The following PDE11A variants were observed in gnomAD, a reference collection of about 807,000 sequenced individuals.
The protein encoded by PDE11A is phosphodiesterase 11A.
Under a neutral mutation model 100.5 loss-of-function variants are expected in PDE11A, and 100 were observed. The ratio of observed to expected loss-of-function variants is 1.00; its 90% CI spans 0.85 to 1.18. PDE11A has a LOEUF of 1.18. Ranked by LOEUF, PDE11A falls within the 50% of genes most tolerant of loss-of-function variation. The pLI is 0.00. For missense variants in PDE11A, 1,141 were observed against 1,152.6 expected, an observed-to-expected ratio of 0.99 and a Z score of 0.15; for synonymous variants, 381 against 420.8, an observed-to-expected ratio of 0.91 and a Z score of 1.16.
At chr2:178,095,173 T>A (rs911079020) in intron 2 of PDE11A, among the ~76,000 whole-genome samples, 1 of 152,202 alleles carries the variant, frequency 6.6e-6, no homozygotes. Context: ...AAGTCTCACC[T>A]GAGATAAGGT....
chr2:177,926,088 A>G (rs1184803254), intron 2 of PDE11A, among the ~76,000 whole-genome samples: 1 of 152,206 alleles, frequency 6.6e-6, no homozygotes, highest in Non-Finnish European at 1.5e-5. Context: ...AGAAACCAAA[A>G]CAAATAAACA....
intron 1 of PDE11A, among the ~76,000 whole-genome samples, chr2:178,015,225 G>A (rs557389092): frequency 6.6e-6 from 1 of 152,222 alleles, no homozygotes; most frequent in East Asian, 1.9e-4. Context: ...TCACTCTTTA[G>A]AAGAAAAATT....
intron 18 of PDE11A, among the ~76,000 whole-genome samples, chr2:177,665,824 T>G (rs1206701721): frequency 6.8e-6 from 1 of 147,132 alleles, no homozygotes. Context: ...GCCACTGCAC[T>G]CCAGCCTCGG....
At chr2:177,856,935 C>G (rs2083844339) in intron 5 of PDE11A, among the ~76,000 whole-genome samples, 1 of 151,894 alleles carries the variant, frequency 6.6e-6, no homozygotes, top group African/African-American at 2.4e-5. Context: ...AAACATTAAT[C>G]TACACATTAA....
At chr2:177,832,670 A>G (rs2083331429) in intron 6 of PDE11A, among the ~76,000 whole-genome samples, 1 of 152,084 alleles carries the variant, frequency 6.6e-6, no homozygotes, top group Non-Finnish European at 1.5e-5. Context: ...GGAGTTGGGC[A>G]AGCAGACTCA....
chr2:177,854,667 A>G (rs2083797810), intron 5 of PDE11A, among the ~76,000 whole-genome samples: 1 of 152,114 alleles, frequency 6.6e-6, no homozygotes, highest in African/African-American at 2.4e-5. Context: ...TTTTTTAGCG[A>G]AAGGCGGCAG....
chr2:177,837,104 G>T (rs115735017), intron 6 of PDE11A, among the ~76,000 whole-genome samples: 1 of 152,278 alleles, frequency 6.6e-6, no homozygotes, highest in South Asian at 2.1e-4. Context: ...CTCTCCCTCC[G>T]TGTGCAAACC....
chr2:177,624,501 A>G lies in PDE11A; in HGVS notation c.*4906T>C, dbSNP rs2079805130. ...GTGTTAAGTGGAAAAAGTTATGATA[A>G]ATTTTGATACACAGAAAAAGCAACT... On this transcript the variant is annotated 3_prime_UTR_variant, in exon 20 of 20. Transcript: ENST00000286063. 1 of 152,184 alleles carries G rather than the reference A, an allele frequency of 6.6e-6. No homozygotes were observed. The highest frequency in any genetic ancestry group is 1.5e-5 in the Non-Finnish European group (1 of 68,024). 9.4% of individuals were successfully genotyped at this position (152,184 alleles called of 1,614,324 possible). A position where few individuals can be genotyped will look rare whatever the true frequency, so the allele number is the denominator to read the frequency against.
chr2:177,833,976 C>A (rs1205998270), intron 6 of PDE11A, among the ~76,000 whole-genome samples: 3 of 152,186 alleles, frequency 2.0e-5, no homozygotes, highest in Non-Finnish European at 4.4e-5. Flanking sequence ...TGTGGAGCCA[C>A]CAGAAATTCG....
At chr2:177,819,401 A>C (rs554641309) in intron 7 of PDE11A, among the ~76,000 whole-genome samples, 3 of 152,104 alleles carry the variant, frequency 2.0e-5, no homozygotes, top group Non-Finnish European at 4.4e-5. Context: ...CAAATGAATT[A>C]GTGTTCTTAC....
chr2:177,956,013 G>A (rs1469539477), intron 2 of PDE11A, among the ~76,000 whole-genome samples: 2 of 151,582 alleles, frequency 1.3e-5, no homozygotes, highest in African/African-American at 4.8e-5. Flanking sequence ...AGGACTTCAT[G>A]TCTAAAACAC....
At chr2:178,038,045 A>C (rs960709802) in intron 1 of PDE11A, among the ~76,000 whole-genome samples, 27 of 152,342 alleles carry the variant, frequency 1.8e-4, no homozygotes, top group African/African-American at 6.3e-4. Context: ...TAATAAAAAA[A>C]AAATTGCTAA....
chr2:177,927,062 A>G (rs2085134511), intron 2 of PDE11A: 1 of 152,202 alleles, frequency 6.6e-6, no homozygotes. Flanking sequence ...GCATTCCTGG[A>G]CCTTCACAAT....
intron 4 of PDE11A, among the ~76,000 whole-genome samples, chr2:177,877,500 G>C (rs1012495064): frequency 4.6e-5 from 7 of 152,132 alleles, no homozygotes; most frequent in African/African-American, 1.7e-4. Context: ...AGTCTCCCGG[G>C]TAATCTCTCA....
intron 5 of PDE11A, among the ~76,000 whole-genome samples, chr2:177,848,535 C>A (rs1448953087): frequency 6.6e-6 from 1 of 152,172 alleles, no homozygotes; most frequent in Non-Finnish European, 1.5e-5. Flanking sequence ...ACGTAAAGGG[C>A]TGTAGTTTAG....
At chr2:177,979,661 A>T (rs1179102883) in intron 2 of PDE11A, among the ~76,000 whole-genome samples, 2 of 128,096 alleles carry the variant, frequency 1.6e-5, no homozygotes, top group Admixed American at 8.7e-5. Context: ...CCCAGCCTGG[A>T]GTGCAGTGGC....
intron 4 of PDE11A, among the ~76,000 whole-genome samples, chr2:177,876,144 T>A (rs893091015): frequency 1.3e-5 from 2 of 152,210 alleles, no homozygotes; most frequent in Admixed American, 6.5e-5. Context: ...TTTAATACAT[T>A]TCACTAAACA....
chr2:177,751,967 G>A (rs528415919), intron 10 of PDE11A, among the ~76,000 whole-genome samples: 10 of 152,174 alleles, frequency 6.6e-5, no homozygotes, highest in Non-Finnish European at 1.3e-4. Context: ...GTTGCCTACA[G>A]TGGGACGTGA....
rs1348635335 is a variant in PDE11A at position 177,905,142 on chromosome 2, C to T, written c.1117G>A (p.Ala373Thr). ...TTCCTTGAGGCAGCAAAGAGCTGAGCGTTAGATATGGCGATTCCACAAAAT... is the reference window on the plus strand; with the variant it reads ...TTCCTTGAGGCAGCAAAGAGCTGAGTGTTAGATATGGCGATTCCACAAAAT... ...LPFCGIAISN[A>T]QLFAASRKEY... The change falls in exon 3 of 20, where the codon GCT becomes ACT. Residue 373 changes from alanine to threonine, a missense_variant. Ala to Thr is a moderately conservative substitution (Grantham distance 58). Coordinates refer to ENST00000286063, the MANE Select transcript of PDE11A (RefSeq NM_016953.4). 7.5e-6 allele frequency: 12 copies of T among 1,609,774 alleles called. No individual in the cohort carries two copies. Among genetic ancestry groups the T allele is most frequent in the African/African-American group, 1.3e-5 (1 of 74,836 alleles).
Sources: allele counts gnomAD v4.1 joint callset (sites outside exome capture counted in the v4.1 genomes callset), GRCh38; gene constraint gnomAD v4.1.1; transcripts MANE v1.5; gene names NCBI Gene and HGNC (gene_info 2026-07-23, HGNC 2026-07-21).